MAGI3: variants seen among roughly 807,000 people sequenced by gnomAD.
MAGI3 encodes membrane-associated guanylate kinase, WW and PDZ domain-containing protein 3.
In MAGI3, 43 loss-of-function variants were observed where a neutral mutation model predicts 121.8. The observed-to-expected ratio is 0.35, with a 90% CI of 0.28 to 0.46. MAGI3 has a LOEUF of 0.46. Ranked by LOEUF, MAGI3 falls within the 20% of genes least tolerant of loss-of-function variation. MAGI3 has a pLI of 1.00. For missense variants in MAGI3, 1,547 were observed against 1,797.3 expected (o/e 0.86, Z 2.52); for synonymous variants, 553 against 639.3 (o/e 0.86, Z 2.04).
chr1:113,653,443 G>A (rs544640129), intron 14 of MAGI3, among the ~76,000 whole-genome samples: 4 of 152,010 alleles, frequency 2.6e-5, no homozygotes, highest in Non-Finnish European at 4.4e-5. Flanking sequence ...ATGGTGGTGG[G>A]CACCTGTAAT....
At chr1:113,640,606 A>T (rs1003046382) in intron 9 of MAGI3, among the ~76,000 whole-genome samples, 19 of 152,080 alleles carry the variant, frequency 1.2e-4, no homozygotes, top group Admixed American at 1.1e-3. Context: ...GGAAGCCATC[A>T]TCCTCAGTAA....
At chr1:113,527,243 G>A (rs910475394) in intron 1 of MAGI3, among the ~76,000 whole-genome samples, 22 of 152,122 alleles carry the variant, frequency 1.4e-4, no homozygotes, top group East Asian at 3.9e-4. Flanking sequence ...TGTGTGTGGC[G>A]GGGGCGGGCA....
At chr1:113,504,579 G>A (rs975164073) in intron 1 of MAGI3, among the ~76,000 whole-genome samples, 3 of 152,132 alleles carry the variant, frequency 2.0e-5, no homozygotes, top group Admixed American at 2.0e-4. Flanking sequence ...GCATGGGGAT[G>A]TGGGAAGTGA....
At chr1:113,599,153 G>A (rs1217221) in intron 6 of MAGI3, among the ~76,000 whole-genome samples, 111,894 of 151,968 alleles carry the variant, frequency 0.74, 41,717 homozygotes, top group African/African-American at 0.78. Context: ...CATCACAATT[G>A]AAAGAACTAG....
intron 1 of MAGI3, among the ~76,000 whole-genome samples, chr1:113,456,558 G>T (rs777968964): frequency 2.0e-5 from 3 of 151,972 alleles, no homozygotes; most frequent in African/African-American, 4.8e-5. Flanking sequence ...AGATTCAGCA[G>T]GATATTAAAA....
intron 9 of MAGI3, among the ~76,000 whole-genome samples, chr1:113,635,380 A>G (rs1651938853): frequency 6.6e-6 from 1 of 152,156 alleles, no homozygotes; most frequent in Admixed American, 6.5e-5. Context: ...GATAGCTCTT[A>G]TTATTTTGAG....
At chr1:113,543,550 G>A (rs1343646914) in intron 1 of MAGI3, among the ~76,000 whole-genome samples, 2 of 152,106 alleles carry the variant, frequency 1.3e-5, no homozygotes, top group African/African-American at 4.8e-5. Flanking sequence ...AGGATGGAGA[G>A]GGTCAAATGA....
intron 18 of MAGI3, 52 bp from the exon 19 acceptor site, chr1:113,673,270 G>T: frequency 6.4e-7 from 1 of 1,565,042 alleles, no homozygotes; most frequent in Non-Finnish European, 8.7e-7. Flanking sequence ...TCTTCAAAAT[G>T]TAAGTAAACA....
At chr1:113,605,610 T>C (rs1291565162) in intron 6 of MAGI3, among the ~76,000 whole-genome samples, 2 of 152,270 alleles carry the variant, frequency 1.3e-5, no homozygotes, top group African/African-American at 4.8e-5. Context: ...TCGATTTTTT[T>C]TTTCCCCGAG....
intron 19 of MAGI3, among the ~76,000 whole-genome samples, chr1:113,674,379 C>T (rs1431352268): frequency 8.7e-6 from 1 of 114,818 alleles, no homozygotes; most frequent in East Asian, 3.2e-4. Flanking sequence ...GCAACAAGAG[C>T]AAAACTCCAT....
At chr1:113,644,747 A>C (rs1652738160) in intron 11 of MAGI3, among the ~76,000 whole-genome samples, 1 of 152,206 alleles carries the variant, frequency 6.6e-6, no homozygotes, top group Non-Finnish European at 1.5e-5. Flanking sequence ...AGTGCATCAA[A>C]TGCTGCTGTT....
At chr1:113,473,004 G>A (rs11802041) in intron 1 of MAGI3, among the ~76,000 whole-genome samples, 13,107 of 152,012 alleles carry the variant, frequency 0.086, 1,806 homozygotes, top group African/African-American at 0.29. Context: ...CCACTATTAC[G>A]GTATTAGCAT....
intron 16 of MAGI3, 52 bp from the exon 17 acceptor site, chr1:113,671,682 T>G: frequency 6.3e-7 from 1 of 1,575,924 alleles, no homozygotes. Flanking sequence ...CCGCTTGGCC[T>G]TCACATTTTT....
intron 1 of MAGI3, among the ~76,000 whole-genome samples, chr1:113,439,626 A>G (rs978944456): frequency 6.6e-6 from 1 of 152,036 alleles, no homozygotes; most frequent in Non-Finnish European, 1.5e-5. Context: ...ACCTCTCTTC[A>G]TGATTTGGAC....
At chr1:113,435,765 A>G (rs1653534590) in intron 1 of MAGI3, among the ~76,000 whole-genome samples, 1 of 152,118 alleles carries the variant, frequency 6.6e-6, no homozygotes, top group South Asian at 2.1e-4. Flanking sequence ...ACTAGAGTAT[A>G]AATCAGGTGG....
At chr1:113,510,355 C>CTTTT (rs34379798) in intron 1 of MAGI3, among the ~76,000 whole-genome samples, 1 of 133,410 alleles carries the variant, frequency 7.5e-6, no homozygotes, top group African/African-American at 2.8e-5. Flanking sequence ...TAGGCCTTGA[C>CTTTT]TTTTTTTTTT....
At chr1:113,445,869 A>G (rs1030372361) in intron 1 of MAGI3, among the ~76,000 whole-genome samples, 4 of 152,222 alleles carry the variant, frequency 2.6e-5, no homozygotes, top group Admixed American at 6.5e-5. Flanking sequence ...TTTCATTACC[A>G]CTGGATCTGT....
chr1:113,582,251 C>T (rs995365361), intron 3 of MAGI3, among the ~76,000 whole-genome samples: 2 of 152,026 alleles, frequency 1.3e-5, no homozygotes, highest in South Asian at 2.1e-4. Flanking sequence ...TGAAGATATA[C>T]ATAACTCTGA....
intron 1 of MAGI3, among the ~76,000 whole-genome samples, chr1:113,480,265 C>T (rs553705473): frequency 6.6e-6 from 1 of 152,320 alleles, no homozygotes; most frequent in Admixed American, 6.5e-5. Flanking sequence ...TGCCCTGCAA[C>T]AGTCAACTAT....
Sources: gnomAD v4.1 joint callset for allele counts (sites outside exome capture counted in the v4.1 genomes callset) on GRCh38, gnomAD v4.1.1 for gene constraint, MANE v1.5 for transcripts, NCBI Gene and HGNC (gene_info 2026-07-23, HGNC 2026-07-21) for gene names.